Variants in NTN1 observed in about 807,000 individuals in gnomAD.
NTN1 encodes the protein netrin 1, also known as netrin-1.
A neutral mutation model predicts 54.2 loss-of-function variants in NTN1; 11 were observed. The ratio of observed to expected loss-of-function variants is 0.20; its 90% CI spans 0.13 to 0.34. NTN1 has a LOEUF of 0.34. NTN1 is among the 10% of genes least tolerant of loss of function. The probability of loss-of-function intolerance (pLI) is 1.00; values close to 1 mark genes in which losing one functional copy is unlikely to be tolerated. For synonymous variants in NTN1, 371 were observed against 382.0 expected (o/e 0.97, Z 0.33); for missense variants, 740 against 893.1 (o/e 0.83, Z 2.18).
rs999829039 is a variant in NTN1, at chr17:9,239,020, G to A, written c.1487-620G>A. Among the ~76,000 whole-genome samples the A allele has an allele frequency of 2.0e-5, 3 of 152,188 alleles. No homozygotes were observed. The highest frequency in any genetic ancestry group is 1.9e-4 in the East Asian group (1 of 5,186). On this transcript the variant is annotated intron_variant, in intron 6 of 6. Coordinates refer to ENST00000173229, the MANE Select transcript of NTN1 (RefSeq NM_004822.3). The surrounding 1 kb of genome is among the most constrained non-coding windows in gnomAD (Gnocchi z 5.2). ...GAGGAATGGTCTGGGGACCTTGGGC[G>A]GCATGGAGGAAGGGAGGCCACCTGG...
At chr17:9,038,434 C>T (rs1235187325) in intron 2 of NTN1, among the ~76,000 whole-genome samples, 1 of 152,110 alleles carries the variant, frequency 6.6e-6, no homozygotes, top group African/African-American at 2.4e-5. Flanking sequence ...TGTTAAGGTA[C>T]ATAAGGTCAG....
At chr17:9,226,914 G>A (rs1468772201) in intron 6 of NTN1, among the ~76,000 whole-genome samples, 2 of 151,948 alleles carry the variant, frequency 1.3e-5, no homozygotes, top group African/African-American at 2.4e-5. Context: ...CACAGCCCCG[G>A]AAACCACCGC....
In NTN1 at chr17:9,222,707, G is replaced by A. The variant is rs564889882; in HGVS notation, c.1486+1465G>A. On this transcript the variant is annotated intron_variant, in intron 6 of 6. Transcript: ENST00000173229. ...CCCTTCCCTGACCCCGTGGGGGTCC[G>A]GCAGCCCTACCCTGGGACCCAGACC... is the stretch of plus-strand genomic sequence containing the variant. Among the ~76,000 whole-genome samples the A allele has an allele frequency of 3.9e-5, 6 of 152,230 alleles. No homozygotes were observed. The East Asian group carries it at 5.8e-4, about 15-fold the overall frequency.
chr17:9,101,089 G>T (rs1251645880), intron 2 of NTN1, among the ~76,000 whole-genome samples: 3 of 152,164 alleles, frequency 2.0e-5, no homozygotes, highest in African/African-American at 7.2e-5. Flanking sequence ...CCTGGATTAT[G>T]TTAATACCTT....
In NTN1 at chr17:9,219,637, G is replaced by A. The variant is rs563517400; in HGVS notation, c.1412-1531G>A. 1.3e-5 allele frequency among the ~76,000 whole-genome samples: 2 copies of A among 152,338 alleles called. No homozygotes were observed. Among genetic ancestry groups the A allele is most frequent in the South Asian group, 2.1e-4 (1 of 4,830 alleles). On this transcript the variant is annotated intron_variant, in intron 5 of 6. Coordinates refer to ENST00000173229, the MANE Select transcript of NTN1 (RefSeq NM_004822.3). This position sits in a 1 kb window ranked among gnomAD's most constrained non-coding sequence, Gnocchi z 4.5. ...CCTTCACAGGCCAGAGGCCAGCCCT[G>A]GAGAGGTCTCCCTGAACACTCCCTG...
chr17:9,004,793 A>G, the NTN1 span, among the ~76,000 whole-genome samples: 1 of 152,196 alleles, frequency 6.6e-6, no homozygotes, highest in Non-Finnish European at 1.5e-5. Flanking sequence ...CACCCAGTGG[A>G]ATCCTGCCAC....
rs1906175273 is a variant in NTN1 at position 9,240,519 on chromosome 17, C to T, written c.*551C>T. 1 of 152,354 alleles carries T rather than the reference C, an allele frequency of 6.6e-6. No homozygotes were observed. The highest frequency in any genetic ancestry group is 2.4e-5 in the African/African-American group (1 of 41,478). 9.4% of individuals were successfully genotyped at this position (152,354 alleles called of 1,614,324 possible). ...TCCCCGGCCCCTTCTAGCAGTTCCCCGCGGGCCACCTGGCTGTCACAGCCT... is the reference window on the plus strand; with the variant it reads ...TCCCCGGCCCCTTCTAGCAGTTCCCTGCGGGCCACCTGGCTGTCACAGCCT... On this transcript the variant is annotated 3_prime_UTR_variant, in exon 7 of 7. Coordinates refer to ENST00000173229, the MANE Select transcript of NTN1 (RefSeq NM_004822.3).
At chr17:9,148,238 C>T (rs1307396097) in intron 2 of NTN1, among the ~76,000 whole-genome samples, 1 of 152,162 alleles carries the variant, frequency 6.6e-6, no homozygotes, top group East Asian at 1.9e-4. Flanking sequence ...GCACAGGTAT[C>T]TATTCTTGTT....
intron 6 of NTN1, among the ~76,000 whole-genome samples, chr17:9,232,149 C>T (rs565627275): frequency 3.3e-5 from 5 of 152,198 alleles, no homozygotes; most frequent in Admixed American, 6.5e-5. Flanking sequence ...CTTAAAGGGT[C>T]GGGGGGACAA....
chr17:9,136,652 C>T (rs1020508203), intron 2 of NTN1, among the ~76,000 whole-genome samples: 3 of 152,142 alleles, frequency 2.0e-5, no homozygotes, highest in African/African-American at 7.2e-5. Context: ...CAGCTCCTAG[C>T]TTTATCAGAT....
chr17:9,152,886 G>C (rs1295973055), intron 2 of NTN1, among the ~76,000 whole-genome samples: 1 of 152,190 alleles, frequency 6.6e-6, no homozygotes, highest in Non-Finnish European at 1.5e-5. Context: ...CTAGAGTCCA[G>C]GCTTCCCACA....
chr17:9,163,094 G>A lies in NTN1; in HGVS notation c.1207+93G>A, dbSNP rs59436020. 0.019 allele frequency: 25,182 copies of A among 1,334,428 alleles called. 1,847 individuals carry two copies. The East Asian group carries it at 0.25, about 13-fold the overall frequency. 82.7% of individuals were successfully genotyped at this position (1,334,428 alleles called of 1,614,324 possible). A position where few individuals can be genotyped will look rare whatever the true frequency, so the allele number is the denominator to read the frequency against. ...TCGCTTCCTTTTCTATTTTCTTCCA[G>A]TCTGTACAAATTGGCGTTGTCTGAG... is the stretch of plus-strand genomic sequence containing the variant. On this transcript the variant is annotated intron_variant, in intron 3 of 6. Transcript: ENST00000173229.
intron 2 of NTN1, among the ~76,000 whole-genome samples, chr17:9,117,588 A>G (rs1397308144): frequency 6.6e-6 from 1 of 152,024 alleles, no homozygotes; most frequent in African/African-American, 2.4e-5. Context: ...TACTAAAAAT[A>G]CGAAAATTAG....
intron 6 of NTN1, among the ~76,000 whole-genome samples, chr17:9,226,443 C>T (rs1236887482): frequency 1.1e-5 from 1 of 89,752 alleles, no homozygotes; most frequent in Non-Finnish European, 2.0e-5. Context: ...GAGGCGGTCT[C>T]GTGGGGAGGC....
At position 9,223,815 on chromosome 17, in the gene NTN1, C is replaced by T. The variant is rs144249540; in HGVS notation, c.1486+2573C>T. On this transcript the variant is annotated intron_variant, in intron 6 of 6. Transcript: ENST00000173229. ...GGTGGGCCCAGAGGAGTTAATGGGT[C>T]GCAGAGGGAAAGCCCTGTGCTTCTC... Among the ~76,000 whole-genome samples the T allele has an allele frequency of 6.9e-3, 1,050 of 152,270 alleles. 10 individuals carry two copies. The highest frequency in any genetic ancestry group is 0.023 in the African/African-American group (963 of 41,548).
Position 9,022,488 on chromosome 17 carries a change from G to T in NTN1, c.115G>T (p.Asp39Tyr), listed in dbSNP as rs1208736060. ...GTTCGCGGGCCAGGCGGCGCAGCCC[G>T]ATCCCTGCTCGGACGAGAACGGCCA... ...SMFAGQAAQP[D>Y]PCSDENGHPR... Residue 39 changes from aspartate (D) to tyrosine (Y), a missense_variant, in exon 2 of 7, where the codon GAT (aspartate) becomes TAT (tyrosine). By Grantham distance (160) the Asp-to-Tyr change is radical. Coordinates refer to ENST00000173229, the MANE Select transcript of NTN1 (RefSeq NM_004822.3). The T allele has an allele frequency of 6.5e-7, 1 of 1,537,922 alleles. No homozygotes were observed. The highest frequency in any genetic ancestry group is 8.7e-7 in the Non-Finnish European group (1 of 1,146,136).
chr17:9,168,532 C>CA lies in NTN1; in HGVS notation c.1207+5546dup, dbSNP rs58496626. On this transcript the variant is annotated intron_variant, in intron 3 of 6. Coordinates refer to ENST00000173229, the MANE Select transcript of NTN1 (RefSeq NM_004822.3). ...GGGCAACGAGAGTGAAACGCCGTCT[C>CA]AAAAAAAAAAAAAAATCTTACTGGG... 7.5e-3 allele frequency among the ~76,000 whole-genome samples: 1,021 copies of CA among 137,022 alleles called. 5 individuals are homozygous for CA. Among genetic ancestry groups the CA allele is most frequent in the African/African-American group, 0.017 (655 of 38,020 alleles). 89.9% of individuals were successfully genotyped at this position (137,022 alleles called of 152,430 possible).
intron 2 of NTN1, among the ~76,000 whole-genome samples, chr17:9,054,047 G>A (rs1325805931): frequency 6.6e-6 from 1 of 152,192 alleles, no homozygotes; most frequent in Non-Finnish European, 1.5e-5. Flanking sequence ...TTGGGTGCCT[G>A]ACATCTGATT....
chr17:9,242,656 G>C lies in NTN1; in HGVS notation c.*2688G>C, dbSNP rs1254165443. Reference sequence around the variant, plus strand: ...CCGCAGGGCACAGGCTGTCCGCCCGGTGGTCTGGCCCTTGGGGAATGCGTC... The same window carrying C: ...CCGCAGGGCACAGGCTGTCCGCCCGCTGGTCTGGCCCTTGGGGAATGCGTC... On this transcript the variant is annotated 3_prime_UTR_variant, in exon 7 of 7. Coordinates refer to ENST00000173229, the MANE Select transcript of NTN1 (RefSeq NM_004822.3). 1 of 152,032 alleles carries C rather than the reference G, an allele frequency of 6.6e-6. No homozygotes were observed. The highest frequency in any genetic ancestry group is 1.5e-5 in the Non-Finnish European group (1 of 68,048). The allele number at this position is 152,032 out of a possible 1,614,324, so 9.4% of individuals were successfully genotyped here.
Sources: gnomAD v4.1 joint callset for allele counts (sites outside exome capture counted in the v4.1 genomes callset) on GRCh38, gnomAD v4.1.1 for gene constraint, Gnocchi (gnomAD v3.1) non-coding constraint, MANE v1.5 for transcripts, NCBI Gene and HGNC (gene_info 2026-07-23, HGNC 2026-07-21) for gene names.